Variants in SLC39A11 observed in about 807,000 individuals in gnomAD.
The protein encoded by SLC39A11 is solute carrier family 39 member 11, also known as zinc transporter ZIP11.
SLC39A11 carries 33 observed loss-of-function variants against 36.1 expected under a neutral mutation model. The observed-to-expected ratio is 0.91, with a 90% CI of 0.69 to 1.22. The LOEUF (loss-of-function observed/expected upper bound fraction) is 1.22. SLC39A11 is among the 50% of genes most tolerant of loss of function. The pLI is 0.00. For missense variants in SLC39A11, 432 were observed against 430.3 expected (o/e 1.00, Z -0.03); for synonymous variants, 166 against 170.3 (o/e 0.97, Z 0.20).
chr17:73,045,386 TAAAAAAAAA>T (rs374832995), intron 3 of SLC39A11, among the ~76,000 whole-genome samples: 9 of 41,726 alleles, frequency 2.2e-4, no homozygotes, highest in Admixed American at 4.3e-4. Flanking sequence ...AAAACAGAGT[TAAAAAAAAA>T]AAAAAAAAAA....
intron 5 of SLC39A11, among the ~76,000 whole-genome samples, chr17:72,943,879 G>T (rs1345591984): frequency 3.3e-5 from 5 of 152,148 alleles, no homozygotes; most frequent in Non-Finnish European, 7.3e-5. Flanking sequence ...TGGACCCTCA[G>T]GTCATGTAAC....
At chr17:72,835,479 T>G (rs549973130) in intron 6 of SLC39A11, among the ~76,000 whole-genome samples, 2 of 152,286 alleles carry the variant, frequency 1.3e-5, no homozygotes, top group Non-Finnish European at 2.9e-5. Flanking sequence ...ATTTTTTTAT[T>G]GAGACAGGTC....
rs137886157 is a variant in SLC39A11, at chr17:73,062,905, T to C, written c.147+21903A>G. Among the ~76,000 whole-genome samples the C allele has an allele frequency of 4.5e-3, 689 of 152,098 alleles. 10 individuals are homozygous for C. The highest frequency in any genetic ancestry group is 0.016 in the African/African-American group (662 of 41,462). On this transcript the variant is annotated intron_variant, in intron 3 of 9. Transcript: ENST00000255559. ...TCTGCTGCTGATCTGACAGGAGGAG[T>C]TCAGGAGGTAATGAGAGCAATGGAG... is the stretch of plus-strand genomic sequence containing the variant.
intron 4 of SLC39A11, among the ~76,000 whole-genome samples, chr17:73,006,543 C>T (rs1228678409): frequency 1.3e-5 from 2 of 152,070 alleles, no homozygotes; most frequent in Non-Finnish European, 2.9e-5. Flanking sequence ...ACTATCTGAC[C>T]TTTTACAGAA....
intron 5 of SLC39A11, among the ~76,000 whole-genome samples, chr17:72,931,975 G>T (rs1441760144): frequency 1.3e-5 from 2 of 152,102 alleles, no homozygotes; most frequent in Admixed American, 6.5e-5. Flanking sequence ...AGACATGCAC[G>T]TCTTCTACAC....
intron 4 of SLC39A11, among the ~76,000 whole-genome samples, chr17:73,019,820 G>A (rs1398859541): frequency 6.6e-6 from 1 of 152,088 alleles, no homozygotes; most frequent in East Asian, 1.9e-4. Flanking sequence ...CCAATTAAGA[G>A]ACGGAGATCC....
intron 4 of SLC39A11, among the ~76,000 whole-genome samples, chr17:72,998,658 CAAAAGTCTGA>C (rs1197915245): frequency 6.6e-6 from 1 of 152,152 alleles, no homozygotes; most frequent in African/African-American, 2.4e-5. Flanking sequence ...GGGAACACTG[CAAAAGTCTGA>C]AAAAGTCTCA....
chr17:73,045,243 A>G (rs1320565841), intron 3 of SLC39A11, among the ~76,000 whole-genome samples: 1 of 152,058 alleles, frequency 6.6e-6, no homozygotes, highest in Non-Finnish European at 1.5e-5. Flanking sequence ...CCCAGCATCC[A>G]TTCTCAGTGA....
intron 7 of SLC39A11, among the ~76,000 whole-genome samples, chr17:72,733,440 C>CATGA (rs368115151): frequency 1.1e-4 from 16 of 152,150 alleles, no homozygotes; most frequent in South Asian, 8.3e-4. Flanking sequence ...AGAACGGGTG[C>CATGA]ATGAATGAAT....
intron 7 of SLC39A11, among the ~76,000 whole-genome samples, chr17:72,715,885 C>T (rs763740674): frequency 2.6e-5 from 4 of 151,898 alleles, no homozygotes; most frequent in Admixed American, 6.6e-5. Context: ...TGAGTAGAGA[C>T]GTGGTTTCAC....
chr17:73,088,592 TG>T, intron 2 of SLC39A11, 64 bp downstream of exon 2: 1 of 1,287,172 alleles, frequency 7.8e-7, no homozygotes, highest in Non-Finnish European at 1.1e-6. Flanking sequence ...CTCCATGGAG[TG>T]GGACAGTGCC....
At chr17:72,712,098 C>T (rs1483589144) in intron 7 of SLC39A11, among the ~76,000 whole-genome samples, 1 of 152,212 alleles carries the variant, frequency 6.6e-6, no homozygotes, top group Non-Finnish European at 1.5e-5. Context: ...CCTCCCCATG[C>T]AAGCACATTT....
chr17:72,732,761 G>A (rs2074283014), intron 7 of SLC39A11, among the ~76,000 whole-genome samples: 1 of 152,140 alleles, frequency 6.6e-6, no homozygotes, highest in Admixed American at 6.5e-5. Context: ...CTTTGTGTAG[G>A]TAAGGACTTT....
In SLC39A11 at chr17:73,034,487, G is replaced by T. The variant is rs1379885863; in HGVS notation, c.148-2773C>A. 2.6e-5 allele frequency among the ~76,000 whole-genome samples: 4 copies of T among 152,214 alleles called. No individual in the cohort carries two copies. The East Asian group carries it at 7.7e-4, about 29-fold the overall frequency. ...TCTGCCTACCTTGGCCTCCCAAAGT[G>T]CTGGGATTAAAGGCGTGAGCCACTG... On this transcript the variant is annotated intron_variant, in intron 3 of 9. Transcript: ENST00000255559.
chr17:72,688,333 T>C (rs1488466321), intron 7 of SLC39A11, among the ~76,000 whole-genome samples: 3 of 152,196 alleles, frequency 2.0e-5, no homozygotes, highest in African/African-American at 7.2e-5. Flanking sequence ...CCAAGCATTA[T>C]GGCAGGAGAG....
At chr17:72,980,155 C>A (rs1453893036) in intron 4 of SLC39A11, among the ~76,000 whole-genome samples, 1 of 152,120 alleles carries the variant, frequency 6.6e-6, no homozygotes, top group Non-Finnish European at 1.5e-5. Flanking sequence ...AAAGAATCAT[C>A]TAAAGAACGA....
chr17:72,993,039 A>G (rs1032225053), intron 4 of SLC39A11: 1 of 152,160 alleles, frequency 6.6e-6, no homozygotes, highest in Admixed American at 6.5e-5. Context: ...TCATGAGAAC[A>G]GCACAGGAAA....
chr17:72,963,412 C>T (rs939745182), intron 4 of SLC39A11, among the ~76,000 whole-genome samples: 5 of 151,970 alleles, frequency 3.3e-5, no homozygotes, highest in East Asian at 3.9e-4. Flanking sequence ...CCTCGTGATC[C>T]GCCCACCTCA....
chr17:72,892,242 T>C (rs1243974710), intron 5 of SLC39A11, among the ~76,000 whole-genome samples: 1 of 115,094 alleles, frequency 8.7e-6, no homozygotes, highest in Non-Finnish European at 1.7e-5. Context: ...ACCCTGTCTC[T>C]ACTAAAAGTA....
Sources: allele counts gnomAD v4.1 joint callset (sites outside exome capture counted in the v4.1 genomes callset), GRCh38; gene constraint gnomAD v4.1.1; transcripts MANE v1.5; gene names NCBI Gene and HGNC (gene_info 2026-07-23, HGNC 2026-07-21).